Variants in REPS2 observed in about 807,000 individuals in gnomAD.
REPS2 encodes ralBP1-associated Eps domain-containing protein 2.
REPS2 carries 23 observed loss-of-function variants against 53.6 expected under a neutral mutation model. The ratio of observed to expected loss-of-function variants is 0.43; its 90% CI spans 0.31 to 0.61. REPS2 has a LOEUF of 0.61. Among genes scored for constraint, REPS2 ranks in the 20% least tolerant of loss-of-function variants. The probability of loss-of-function intolerance (pLI) is 0.11; values close to 1 mark genes in which losing one functional copy is unlikely to be tolerated. For missense variants in REPS2, 446 were observed against 534.9 expected (o/e 0.83, Z 1.64); for synonymous variants, 238 against 218.6 (o/e 1.09, Z -0.78).
chrX:17,101,027 C>T (rs922252494), intron 13 of REPS2, among the ~76,000 whole-genome samples: 2 of 107,376 alleles, frequency 1.9e-5, no homozygotes. Context: ...TATGCCAACT[C>T]TTGTTTTTTT....
chrX:17,038,703 C>T (rs760488348), intron 5 of REPS2, among the ~76,000 whole-genome samples: 3 of 112,144 alleles, frequency 2.7e-5, no homozygotes, highest in South Asian at 3.7e-4. Flanking sequence ...CTTATGCTGA[C>T]GGGTGGAATG....
At chrX:17,014,849 T>C (rs1206273343) in intron 2 of REPS2, among the ~76,000 whole-genome samples, 1 of 112,692 alleles carries the variant, frequency 8.9e-6, no homozygotes, top group Non-Finnish European at 1.9e-5. Flanking sequence ...GAGCAGGTTT[T>C]CTCTAGATTA....
intron 6 of REPS2, among the ~76,000 whole-genome samples, chrX:17,049,516 A>T (rs1273167926): frequency 8.9e-6 from 1 of 112,325 alleles, no homozygotes; most frequent in Non-Finnish European, 1.9e-5. Flanking sequence ...TGGTAAAAAA[A>T]TTAAAAATTT....
Position 17,135,423 on chromosome X carries a change from A to G in REPS2, c.1808+17A>G, listed in dbSNP as rs1325331873. On this transcript the variant is annotated intron_variant, in intron 16 of 17. Transcript: ENST00000357277. ...AGTCCAAAAGTAAGTAGACCACATA[A>G]ACAAGAGTGAGGTAGGAATCTCGCT... is the stretch of plus-strand genomic sequence containing the variant. 8.4e-7 allele frequency: 1 copy of G among 1,195,957 alleles called. No homozygotes were observed. The highest frequency in any genetic ancestry group is 1.1e-6 in the Non-Finnish European group (1 of 888,896).
chrX:16,970,733 G>T (rs767606485), intron 1 of REPS2, among the ~76,000 whole-genome samples: 2 of 112,372 alleles, frequency 1.8e-5, no homozygotes, highest in South Asian at 7.3e-4. Flanking sequence ...CTATGGATTC[G>T]TCTATTCCAG....
At chrX:17,123,493 C>A (rs1377211320) in intron 14 of REPS2, among the ~76,000 whole-genome samples, 2 of 112,598 alleles carry the variant, frequency 1.8e-5, no homozygotes, top group Admixed American at 9.4e-5. Context: ...ATCCCCAAGG[C>A]ATTCTGCCAT....
At chrX:16,962,911 G>A (rs1290488500) in intron 1 of REPS2, among the ~76,000 whole-genome samples, 1 of 111,419 alleles carries the variant, frequency 9.0e-6, no homozygotes, top group African/African-American at 3.3e-5. Flanking sequence ...CCTGGGCAAC[G>A]TAGTGAGAAA....
At chrX:17,093,370 T>A (rs2062651614) in intron 13 of REPS2, among the ~76,000 whole-genome samples, 1 of 105,236 alleles carries the variant, frequency 9.5e-6, no homozygotes, top group African/African-American at 3.5e-5. Context: ...CTCGTAATTT[T>A]CCTTTTTCTT....
intron 14 of REPS2, among the ~76,000 whole-genome samples, chrX:17,118,114 T>C (rs1418906669): frequency 9.7e-6 from 1 of 102,946 alleles, no homozygotes; most frequent in African/African-American, 3.6e-5. Flanking sequence ...CGCCTGCCAC[T>C]ACGCCCGGCT....
chrX:17,052,594 G>T, intron 7 of REPS2, 149 bp downstream of exon 7: 1 of 394,890 alleles, frequency 2.5e-6, no homozygotes, highest in Non-Finnish European at 4.3e-6. Flanking sequence ...TTGTTGCTGT[G>T]AAAATTAAAT....
chrX:17,095,680 C>T (rs1041857758), intron 13 of REPS2, among the ~76,000 whole-genome samples: 1 of 110,858 alleles, frequency 9.0e-6, no homozygotes, highest in Non-Finnish European at 1.9e-5. Context: ...GAGTAGGGCC[C>T]CTGAAGCCAA....
chrX:17,057,082 A>G (rs1222149139), intron 8 of REPS2, among the ~76,000 whole-genome samples: 1 of 112,052 alleles, frequency 8.9e-6, no homozygotes, highest in Non-Finnish European at 1.9e-5. Context: ...GCTTTCAACA[A>G]CCTTTCTCAC....
In REPS2 at chrX:17,136,390, T is replaced by A. The variant is rs2063366095; in HGVS notation, c.1808+984T>A. 2.7e-5 allele frequency: 3 copies of A among 111,428 alleles called. No individual in the cohort carries two copies. In the Admixed American group the frequency reaches 2.8e-4, roughly 11 times the overall value. The allele number at this position is 111,428 out of a possible 1,213,427, so 9.2% of individuals were successfully genotyped here. A position where few individuals can be genotyped will look rare whatever the true frequency, so the allele number is the denominator to read the frequency against. On this transcript the variant is annotated intron_variant, in intron 16 of 17. Coordinates refer to ENST00000357277, the MANE Select transcript of REPS2 (RefSeq NM_004726.3). ...GTATCAGTCCATAAAGGAAGTATAT[T>A]TTGTTCATCACATTCACCGAGAACT...
rs183382437 is a variant in REPS2 at position 17,118,802 on chromosome X, T to G, written c.1579-15022T>G. 4.2e-3 allele frequency among the ~76,000 whole-genome samples: 477 copies of G among 112,392 alleles called. 2 individuals carry two copies. Among genetic ancestry groups the G allele is most frequent in the African/African-American group, 0.015 (464 of 30,960 alleles). On this transcript the variant is annotated intron_variant, in intron 14 of 17. Coordinates refer to ENST00000357277, the MANE Select transcript of REPS2 (RefSeq NM_004726.3). Reference sequence around the variant, plus strand: ...GTGCCTTCCCCAGTGCAGACTTACATTCATCTTAGCCAAAATGGCCTTCAC... The same window carrying G: ...GTGCCTTCCCCAGTGCAGACTTACAGTCATCTTAGCCAAAATGGCCTTCAC...
intron 5 of REPS2, among the ~76,000 whole-genome samples, chrX:17,043,415 A>T (rs1347214981): frequency 9.0e-6 from 1 of 110,808 alleles, no homozygotes; most frequent in Non-Finnish European, 1.9e-5. Context: ...TTGGCTGTTC[A>T]TGCTTGTTCT....
chrX:17,182,598 TCA>T, the REPS2 span, among the ~76,000 whole-genome samples: 1 of 111,906 alleles, frequency 8.9e-6, no homozygotes, highest in East Asian at 2.8e-4. Flanking sequence ...CAGTCAGAAC[TCA>T]CAGAGTCAGA....
intron 1 of REPS2, among the ~76,000 whole-genome samples, chrX:16,972,590 A>T (rs1428845418): frequency 2.7e-5 from 3 of 111,734 alleles, no homozygotes; most frequent in East Asian, 5.6e-4. Context: ...TGTATAAATT[A>T]ACCTTCTTCC....
the REPS2 span, among the ~76,000 whole-genome samples, chrX:17,167,655 G>T: frequency 1.9e-5 from 2 of 106,993 alleles, no homozygotes; most frequent in African/African-American, 6.8e-5. Context: ...CAGATGCTCT[G>T]GTATTACCCA....
the REPS2 span, among the ~76,000 whole-genome samples, chrX:17,191,692 T>C: frequency 8.9e-6 from 1 of 112,288 alleles, no homozygotes; most frequent in East Asian, 2.8e-4. Flanking sequence ...TACTCAGCAA[T>C]AAAACAAAAT....
Sources: allele counts gnomAD v4.1 joint callset (sites outside exome capture counted in the v4.1 genomes callset), GRCh38; gene constraint gnomAD v4.1.1; transcripts MANE v1.5; gene names NCBI Gene and HGNC (gene_info 2026-07-23, HGNC 2026-07-21).